Variants in GALNT13 observed in about 807,000 individuals in gnomAD.
GALNT13 encodes UDP-GalNAc:polypeptide N-acetylgalactosaminyltransferase 13.
Under a neutral mutation model 64.2 loss-of-function variants are expected in GALNT13, and 28 were observed. The ratio of observed to expected loss-of-function variants is 0.44; its 90% CI spans 0.32 to 0.60. The LOEUF is 0.60. Ranked by LOEUF, GALNT13 falls within the 20% of genes least tolerant of loss-of-function variation. The pLI is 0.05. For missense variants in GALNT13, 577 were observed against 669.8 expected (o/e 0.86, Z 1.53); for synonymous variants, 214 against 224.6 (o/e 0.95, Z 0.42).
the GALNT13 span, among the ~76,000 whole-genome samples, chr2:153,102,087 C>T: frequency 6.6e-6 from 1 of 151,836 alleles, no homozygotes; most frequent in Non-Finnish European, 1.5e-5. Flanking sequence ...CTTGCTCTTT[C>T]CCTCTTTTGG....
At chr2:154,274,645 A>C (rs555637120) in intron 8 of GALNT13, among the ~76,000 whole-genome samples, 1 of 152,196 alleles carries the variant, frequency 6.6e-6, no homozygotes, top group East Asian at 1.9e-4. Context: ...AGTTTCCTGA[A>C]GCCTTACAAG....
At chr2:153,348,307 G>T in the GALNT13 span, among the ~76,000 whole-genome samples, 1 of 152,138 alleles carries the variant, frequency 6.6e-6, no homozygotes, top group Non-Finnish European at 1.5e-5. Context: ...TTGTCTCTAT[G>T]CCATTGTGCA....
intron 4 of GALNT13, among the ~76,000 whole-genome samples, chr2:154,149,172 T>A (rs1192728567): frequency 6.6e-6 from 1 of 152,220 alleles, no homozygotes; most frequent in African/African-American, 2.4e-5. Flanking sequence ...CAGCACCATT[T>A]ATTAAATAGG....
the GALNT13 span, among the ~76,000 whole-genome samples, chr2:153,209,122 C>T: frequency 1.5e-3 from 224 of 151,582 alleles, 6 homozygotes; most frequent in East Asian, 0.039. Context: ...GGACTACAGG[C>T]GCCTGCCACC....
At chr2:153,124,601 G>T in the GALNT13 span, among the ~76,000 whole-genome samples, 1 of 152,152 alleles carries the variant, frequency 6.6e-6, no homozygotes, top group African/African-American at 2.4e-5. Context: ...CACCTCCTGG[G>T]TTCAAGCGAT....
chr2:153,301,309 C>CAAAAAAAAAAAAAAAAAAAAAAAAA, the GALNT13 span, among the ~76,000 whole-genome samples: 8 of 76,414 alleles, frequency 1.0e-4, no homozygotes, highest in African/African-American at 2.0e-4. Flanking sequence ...GACTCCTTCT[C>CAAAAAAAAAAAAAAAAAAAAAAAAA]AAAAAAAAAG....
rs541833914 is a variant in GALNT13 at position 153,945,253 on chromosome 2, CAT to C, written c.142+616_142+617del. Among the ~76,000 whole-genome samples, 232 of 152,192 alleles carry C rather than the reference CAT, an allele frequency of 1.5e-3. 7 individuals carry two copies. The highest frequency in any genetic ancestry group is 6.0e-4 in the Non-Finnish European group (41 of 68,008). ...TTCAAAGACTAAATATGAATGTAAA[CAT>C]AATAATTTGTATGAATGGTTATTTA... On this transcript the variant is annotated intron_variant, in intron 3 of 12. Transcript: ENST00000392825.
chr2:154,267,774 A>AT, intron 8 of GALNT13, among the ~76,000 whole-genome samples: 1 of 152,200 alleles, frequency 6.6e-6, no homozygotes, highest in Admixed American at 6.5e-5. Flanking sequence ...TAGAAAAAAA[A>AT]ACTCTCAAAA....
At chr2:154,311,633 G>T (rs1694046618) in intron 9 of GALNT13, among the ~76,000 whole-genome samples, 1 of 152,142 alleles carries the variant, frequency 6.6e-6, no homozygotes, top group Admixed American at 6.5e-5. Context: ...ACAGGGTTTT[G>T]AGATCAACCA....
chr2:154,030,505 A>G (rs1242394236), intron 3 of GALNT13, among the ~76,000 whole-genome samples: 3 of 152,182 alleles, frequency 2.0e-5, no homozygotes, highest in Admixed American at 2.0e-4. Context: ...GAGCTTCTAT[A>G]TAAGAAATAT....
the GALNT13 span, among the ~76,000 whole-genome samples, chr2:153,617,988 C>T: frequency 6.6e-6 from 1 of 151,726 alleles, no homozygotes; most frequent in South Asian, 2.1e-4. Flanking sequence ...CTTTTTGTTT[C>T]ATTAATCCTT....
intron 9 of GALNT13, among the ~76,000 whole-genome samples, chr2:154,317,320 T>G (rs192738926): frequency 6.6e-6 from 1 of 152,252 alleles, no homozygotes; most frequent in African/African-American, 2.4e-5. Context: ...AGATACAATT[T>G]TAAATTCTAG....
chr2:153,077,531 T>G, the GALNT13 span, among the ~76,000 whole-genome samples: 2 of 152,144 alleles, frequency 1.3e-5, no homozygotes, highest in African/African-American at 4.8e-5. Context: ...TCTGTTTACC[T>G]TGTTGGAAAG....
chr2:153,611,651 C>T, the GALNT13 span, among the ~76,000 whole-genome samples: 1 of 149,532 alleles, frequency 6.7e-6, no homozygotes, highest in Admixed American at 6.7e-5. Context: ...TGTGAGCCTC[C>T]ATGCCTGACC....
intron 3 of GALNT13, among the ~76,000 whole-genome samples, chr2:154,053,009 G>A (rs1228386247): frequency 1.3e-5 from 2 of 151,950 alleles, no homozygotes; most frequent in Non-Finnish European, 2.9e-5. Flanking sequence ...CCAAAGTGCT[G>A]GGATATAGGC....
chr2:153,241,841 G>A, the GALNT13 span, among the ~76,000 whole-genome samples: 2 of 151,924 alleles, frequency 1.3e-5, no homozygotes, highest in Non-Finnish European at 1.5e-5. Context: ...GGGGAGAGGG[G>A]TATCATAGAA....
At chr2:154,170,143 G>C (rs1377816789) in intron 4 of GALNT13, among the ~76,000 whole-genome samples, 4 of 152,094 alleles carry the variant, frequency 2.6e-5, no homozygotes, top group Non-Finnish European at 5.9e-5. Context: ...AGGGTTTCCA[G>C]CTGCAGAAAA....
At chr2:154,235,645 C>A (rs1689154768) in intron 4 of GALNT13, among the ~76,000 whole-genome samples, 1 of 152,152 alleles carries the variant, frequency 6.6e-6, no homozygotes, top group East Asian at 1.9e-4. Context: ...TAAAAGGCAA[C>A]CACTGGCTCA....
chr2:153,409,905 A>G, the GALNT13 span, among the ~76,000 whole-genome samples: 1 of 152,228 alleles, frequency 6.6e-6, no homozygotes, highest in Non-Finnish European at 1.5e-5. Flanking sequence ...AAAATGCTCC[A>G]GACCTGGTTA....
Sources: gnomAD v4.1 joint callset for allele counts (sites outside exome capture counted in the v4.1 genomes callset) on GRCh38, gnomAD v4.1.1 for gene constraint, MANE v1.5 for transcripts, NCBI Gene and HGNC (gene_info 2026-07-23, HGNC 2026-07-21) for gene names.